CTNNBIP1: variants seen among roughly 807,000 people sequenced by gnomAD.
CTNNBIP1 encodes catenin beta interacting protein 1, also known as beta-catenin-interacting protein 1.
In CTNNBIP1, 7 loss-of-function variants were observed where a neutral mutation model predicts 11.8. That is an observed-to-expected ratio of 0.60 (90% CI 0.34 to 1.12). The LOEUF is 1.12. Among genes scored for constraint, CTNNBIP1 ranks in the 50% most tolerant of loss-of-function variants. CTNNBIP1 has a pLI of 0.03. For synonymous variants in CTNNBIP1, 58 were observed against 43.9 expected, an observed-to-expected ratio of 1.32 and a Z score of -1.26; for missense variants, 101 against 113.4, an observed-to-expected ratio of 0.89 and a Z score of 0.50.
chr1:9,897,977 G>A (rs1208471200), intron 1 of CTNNBIP1, among the ~76,000 whole-genome samples: 7 of 150,558 alleles, frequency 4.6e-5, no homozygotes, highest in African/African-American at 9.8e-5. Flanking sequence ...AAAATTAGCC[G>A]GGCGTGCTGG....
chr1:9,878,462 T>C (rs140373923), intron 2 of CTNNBIP1, among the ~76,000 whole-genome samples: 4 of 152,318 alleles, frequency 2.6e-5, no homozygotes, highest in East Asian at 3.9e-4. Context: ...AGTGCATGTA[T>C]ATGTGTCTGT....
intron 5 of CTNNBIP1, among the ~76,000 whole-genome samples, chr1:9,854,830 C>T (rs1178852783): frequency 1.3e-5 from 2 of 152,108 alleles, no homozygotes; most frequent in African/African-American, 4.8e-5. Flanking sequence ...GTGTGTGCCA[C>T]CACATCTGGC....
chr1:9,890,378 G>T (rs781498650), intron 1 of CTNNBIP1, among the ~76,000 whole-genome samples: 5 of 152,138 alleles, frequency 3.3e-5, no homozygotes, highest in Non-Finnish European at 7.3e-5. Context: ...TGCACAGTGG[G>T]GGGACAAGGA....
rs114032319 is a variant in CTNNBIP1 at position 9,868,023 on chromosome 1, G to T, written c.187+3164C>A. On this transcript the variant is annotated intron_variant, in intron 5 of 5. Transcript: ENST00000377263. Reference sequence around the variant, plus strand: ...GTTTGTTTGTGGTGTCGTTAGGCTCGCAAAGAAAATAAATATGCTTATGAA... The same window carrying T: ...GTTTGTTTGTGGTGTCGTTAGGCTCTCAAAGAAAATAAATATGCTTATGAA... Among the ~76,000 whole-genome samples, 1,356 of 152,250 alleles carry T rather than the reference G, an allele frequency of 8.9e-3. 19 individuals carry two copies. Among genetic ancestry groups the T allele is most frequent in the African/African-American group, 0.03 (1,250 of 41,540 alleles).
At chr1:9,909,868 G>A (rs1241276263) in intron 1 of CTNNBIP1, among the ~76,000 whole-genome samples, 1 of 152,018 alleles carries the variant, frequency 6.6e-6, no homozygotes, top group Non-Finnish European at 1.5e-5. Context: ...ACCTGTGGAG[G>A]CGACCCCCGG....
Position 9,850,636 on chromosome 1 carries a change from G to A in CTNNBIP1, c.*82C>T. On this transcript the variant is annotated 3_prime_UTR_variant, in exon 6 of 6. Transcript: ENST00000377263. ...GGAAGGGGGAGGTGGGGCAAGGGGG[G>A]CTGCTGCCACTCAGCCGGCCCAGGA... The A allele has an allele frequency of 7.6e-7, 1 of 1,314,480 alleles. No individual in the cohort carries two copies. The highest frequency in any genetic ancestry group is 1.1e-6 in the Non-Finnish European group (1 of 908,290). 81.4% of individuals were successfully genotyped at this position (1,314,480 alleles called of 1,614,324 possible).
intron 1 of CTNNBIP1, among the ~76,000 whole-genome samples, chr1:9,909,349 GC>G (rs1639684093): frequency 2.0e-5 from 3 of 152,330 alleles, no homozygotes; most frequent in African/African-American, 7.2e-5. Context: ...TTGATTTGCG[GC>G]CAACACGGCC....
intron 3 of CTNNBIP1, among the ~76,000 whole-genome samples, chr1:9,874,629 G>A (rs1434194877): frequency 6.6e-6 from 1 of 152,162 alleles, no homozygotes; most frequent in African/African-American, 2.4e-5. Flanking sequence ...CCAAGGCCAG[G>A]GCCCCCTCTG....
chr1:9,910,040 G>A (rs1639703857), intron 1 of CTNNBIP1, 55 bp downstream of exon 1: 1 of 148,306 alleles, frequency 6.7e-6, no homozygotes, highest in Non-Finnish European at 1.5e-5. Flanking sequence ...CCAAGCCCCG[G>A]CGCGGCGCGG....
At chr1:9,855,237 G>A (rs1638476038) in intron 5 of CTNNBIP1, among the ~76,000 whole-genome samples, 1 of 149,884 alleles carries the variant, frequency 6.7e-6, no homozygotes, top group Non-Finnish European at 1.5e-5. Flanking sequence ...CCTTTCTTGG[G>A]GAGTTTGTAA....
chr1:9,854,797 C>T (rs901157070), intron 5 of CTNNBIP1, among the ~76,000 whole-genome samples: 2 of 152,126 alleles, frequency 1.3e-5, no homozygotes, highest in African/African-American at 4.8e-5. Flanking sequence ...CCACCTCAAC[C>T]TCCCGAGTAG....
intron 1 of CTNNBIP1, among the ~76,000 whole-genome samples, chr1:9,898,322 G>A (rs1001580120): frequency 1.3e-5 from 2 of 151,690 alleles, no homozygotes; most frequent in Non-Finnish European, 2.9e-5. Context: ...TCAGGAGATC[G>A]AGACCATCCT....
intron 1 of CTNNBIP1, among the ~76,000 whole-genome samples, chr1:9,892,603 A>G (rs1349310936): frequency 1.1e-4 from 17 of 151,772 alleles, no homozygotes; most frequent in Admixed American, 1.1e-3. Context: ...AAAAAAAAAA[A>G]GAAAAGAAGT....
At chr1:9,882,325 A>G (rs1276746841) in intron 2 of CTNNBIP1, among the ~76,000 whole-genome samples, 2 of 152,254 alleles carry the variant, frequency 1.3e-5, no homozygotes, top group East Asian at 3.8e-4. Flanking sequence ...ATGTGATGAG[A>G]GGCTTCCAAT....
chr1:9,896,082 C>T (rs1206926630), intron 1 of CTNNBIP1, among the ~76,000 whole-genome samples: 1 of 152,204 alleles, frequency 6.6e-6, no homozygotes, highest in Admixed American at 6.5e-5. Flanking sequence ...CCATGCTCTT[C>T]AACCTACTTA....
intron 5 of CTNNBIP1, among the ~76,000 whole-genome samples, chr1:9,858,957 C>T (rs1022957728): frequency 6.6e-5 from 10 of 152,162 alleles, no homozygotes; most frequent in African/African-American, 2.4e-4. Context: ...GCTCAACTGG[C>T]CTCCTAGCAT....
intron 2 of CTNNBIP1, among the ~76,000 whole-genome samples, chr1:9,881,854 G>A (rs891503963): frequency 1.3e-5 from 2 of 152,190 alleles, no homozygotes; most frequent in Non-Finnish European, 2.9e-5. Flanking sequence ...GGAGCACAAG[G>A]TACAGAACTG....
In CTNNBIP1 at chr1:9,872,623, G is replaced by C. The variant is rs891197280; in HGVS notation, c.-24-535C>G. 1.3e-5 allele frequency among the ~76,000 whole-genome samples: 2 copies of C among 152,214 alleles called. No homozygotes were observed. Among genetic ancestry groups the C allele is most frequent in the African/African-American group, 2.4e-5 (1 of 41,450 alleles). ...GCCCCTGACAAGTTTAAGAGGCCAG[G>C]GTTGTGGCTCCTGGGCTGGGCTCCA... On this transcript the variant is annotated intron_variant, in intron 3 of 5. Coordinates refer to ENST00000377263, the MANE Select transcript of CTNNBIP1 (RefSeq NM_020248.3). The surrounding 1 kb of genome is among the most constrained non-coding windows in gnomAD (Gnocchi z 4.0).
chr1:9,866,611 T>G (rs1570568722), intron 5 of CTNNBIP1, among the ~76,000 whole-genome samples: 2 of 141,816 alleles, frequency 1.4e-5, no homozygotes, highest in Admixed American at 7.3e-5. Flanking sequence ...ACTGGGAAGG[T>G]GGGGGCTGCA....
Sources: allele counts gnomAD v4.1 joint callset (sites outside exome capture counted in the v4.1 genomes callset), GRCh38; gene constraint gnomAD v4.1.1; non-coding constraint Gnocchi (gnomAD v3.1); transcripts MANE v1.5; gene names NCBI Gene and HGNC (gene_info 2026-07-23, HGNC 2026-07-21).